CHN1: variants seen among roughly 807,000 people sequenced by gnomAD.
CHN1 encodes the protein N-chimaerin.
A neutral mutation model predicts 59.5 loss-of-function variants in CHN1; 37 were observed. The observed-to-expected ratio is 0.62, with a 90% CI of 0.48 to 0.82. The LOEUF is 0.82. CHN1 is among the 40% of genes least tolerant of loss of function. The pLI, the probability that CHN1 is intolerant of heterozygous loss-of-function variation, is 0.00. For missense variants in CHN1, 469 were observed against 571.0 expected, an observed-to-expected ratio of 0.82 and a Z score of 1.82; for synonymous variants, 206 against 200.4, an observed-to-expected ratio of 1.03 and a Z score of -0.24.
At chr2:174,895,917 C>T (rs1294281461) in intron 5 of CHN1, among the ~76,000 whole-genome samples, 1 of 152,050 alleles carries the variant, frequency 6.6e-6, no homozygotes, top group African/African-American at 2.4e-5. Context: ...TGATTAAAAT[C>T]AAGACATTGA....
chr2:174,846,141 T>G (rs1205780623), intron 7 of CHN1, among the ~76,000 whole-genome samples: 1 of 152,164 alleles, frequency 6.6e-6, no homozygotes, highest in Non-Finnish European at 1.5e-5. Context: ...CTCACGTTGT[T>G]TAATCTCTGA....
chr2:174,812,175 C>A (rs1685097746), intron 9 of CHN1, 134 bp downstream of exon 9: 3 of 605,536 alleles, frequency 5.0e-6, no homozygotes, highest in Non-Finnish European at 8.0e-6. Flanking sequence ...TCTTTGAGAT[C>A]ATTTGACATA....
Position 174,877,873 on chromosome 2 carries a change from ATCTC to A in CHN1, c.512_515del (p.Arg171IlefsTer13). On this transcript the variant is annotated frameshift_variant, in exon 6 of 13. Transcript: ENST00000409900. LOFTEE classifies it high-confidence loss of function. ...CTGACACCCCATCCTGGCCTGTAGA[ATCTC>A]TCTCATCATGTGTCTCTTTCAGGAC... The A allele has an allele frequency of 1.3e-6, 2 of 1,551,820 alleles. No individual in the cohort carries two copies. The highest frequency in any genetic ancestry group is 1.8e-6 in the Non-Finnish European group (2 of 1,125,766).
chr2:174,807,472 GTGTGT>G (rs1684930020), intron 11 of CHN1, among the ~76,000 whole-genome samples: 2 of 145,878 alleles, frequency 1.4e-5, no homozygotes, highest in Non-Finnish European at 3.0e-5. Context: ...GTGTGTGTGT[GTGTGT>G]GTGTGTGTGT....
At position 174,807,463 on chromosome 2, in the gene CHN1, T is replaced by TGTGTGTGG. The variant is rs1230763636; in HGVS notation, c.1102+1441_1102+1442insCCACACAC. Among the ~76,000 whole-genome samples the TGTGTGTGG allele has an allele frequency of 2.0e-3, 243 of 120,064 alleles. 1 individual carries two copies. Among genetic ancestry groups the TGTGTGTGG allele is most frequent in the South Asian group, 4.1e-3 (16 of 3,904 alleles). The allele number at this position is 120,064 out of a possible 152,430, so 78.8% of individuals were successfully genotyped here. A position where few individuals can be genotyped will look rare whatever the true frequency, so the allele number is the denominator to read the frequency against. On this transcript the variant is annotated intron_variant, in intron 11 of 12. Transcript: ENST00000409900. ...CGGGCTATCTGTGTGTGTGTGTGTGTGTGTGTGTGTGTGTGTGTGTGTGTG... is the reference window on the plus strand; with the variant it reads ...CGGGCTATCTGTGTGTGTGTGTGTGTGTGTGTGGGTGTGTGTGTGTGTGTGTGTGTGTG...
intron 3 of CHN1, among the ~76,000 whole-genome samples, chr2:174,940,671 G>GAT (rs1689631753): frequency 6.6e-6 from 1 of 152,100 alleles, no homozygotes; most frequent in Non-Finnish European, 1.5e-5. Context: ...TTATACAGGT[G>GAT]ATACCGTGTG....
chr2:174,820,174 G>T (rs889867244), intron 8 of CHN1, among the ~76,000 whole-genome samples: 21 of 152,052 alleles, frequency 1.4e-4, no homozygotes, highest in Non-Finnish European at 2.2e-4. Context: ...AATCCTTTGG[G>T]TATATACCCA....
chr2:174,839,839 A>G (rs1199867489), intron 7 of CHN1, among the ~76,000 whole-genome samples: 1 of 152,138 alleles, frequency 6.6e-6, no homozygotes, highest in Non-Finnish European at 1.5e-5. Context: ...CCTAGGCTCA[A>G]GTGATCTGCC....
At chr2:174,981,247 T>G (rs2105449682) in intron 1 of CHN1, among the ~76,000 whole-genome samples, 1 of 152,256 alleles carries the variant, frequency 6.6e-6, no homozygotes, top group East Asian at 1.9e-4. Context: ...GCAAAATGCT[T>G]GCCAATAAAC....
rs369718610 is a variant in CHN1, at chr2:174,799,448, A to C, written c.*668T>G. On this transcript the variant is annotated 3_prime_UTR_variant, in exon 13 of 13. Transcript: ENST00000409900. ...AATTAATAAACGCATGCCAGAAAAAATACCAAATTACAACTGAAAACCAAT... is the reference window on the plus strand; with the variant it reads ...AATTAATAAACGCATGCCAGAAAAACTACCAAATTACAACTGAAAACCAAT... 4 of 467,656 alleles carry C rather than the reference A, an allele frequency of 8.6e-6. No homozygotes were observed. The highest frequency in any genetic ancestry group is 1.6e-5 in the Non-Finnish European group (4 of 244,604). 29.0% of individuals were successfully genotyped at this position (467,656 alleles called of 1,614,324 possible). A position where few individuals can be genotyped will look rare whatever the true frequency, so the allele number is the denominator to read the frequency against.
intron 8 of CHN1, among the ~76,000 whole-genome samples, chr2:174,818,503 T>C (rs1403605874): frequency 6.6e-6 from 1 of 152,188 alleles, no homozygotes; most frequent in Admixed American, 6.6e-5. Flanking sequence ...ATATAACTCT[T>C]ATATAGTTCC....
intron 1 of CHN1, among the ~76,000 whole-genome samples, chr2:174,967,984 A>G (rs752318643): frequency 6.6e-6 from 1 of 152,162 alleles, no homozygotes; most frequent in Non-Finnish European, 1.5e-5. Flanking sequence ...TTATTCTGCA[A>G]TGCGGATTCA....
chr2:174,900,823 C>T (rs760587309), intron 5 of CHN1, among the ~76,000 whole-genome samples: 1 of 150,086 alleles, frequency 6.7e-6, no homozygotes, highest in Non-Finnish European at 1.5e-5. Context: ...AAAAAAGTAA[C>T]TATCAAATAT....
At chr2:174,948,513 T>C (rs1032412980) in intron 2 of CHN1, among the ~76,000 whole-genome samples, 9 of 152,246 alleles carry the variant, frequency 5.9e-5, no homozygotes, top group African/African-American at 2.2e-4. Context: ...TATTGGTTTA[T>C]ATTTGTAAGA....
At chr2:174,950,590 T>C (rs955224598) in intron 2 of CHN1, among the ~76,000 whole-genome samples, 3 of 151,998 alleles carry the variant, frequency 2.0e-5, no homozygotes, top group African/African-American at 7.2e-5. Context: ...ATGCGAGATA[T>C]GTGAAGCTAC....
At chr2:174,915,237 C>T in intron 4 of CHN1, 66 bp from the exon 5 acceptor site, 4 of 1,151,782 alleles carry the variant, frequency 3.5e-6, no homozygotes, top group Admixed American at 2.0e-5. Flanking sequence ...GATAAAACAA[C>T]GTCCCACCAC....
At chr2:174,915,260 T>G in intron 4 of CHN1, 89 bp from the exon 5 acceptor site, 3 of 986,540 alleles carry the variant, frequency 3.0e-6, no homozygotes, top group Non-Finnish European at 4.7e-6. Context: ...CCACCTTCTC[T>G]TGTTGTTTTC....
chr2:174,990,286 AGC>A (rs1691501598), intron 1 of CHN1, among the ~76,000 whole-genome samples: 1 of 101,078 alleles, frequency 9.9e-6, no homozygotes, highest in African/African-American at 3.8e-5. Flanking sequence ...AGAGAGAGAG[AGC>A]GCGAGCGCAA....
chr2:174,799,398 TTTA>T lies in CHN1; in HGVS notation c.*715_*717del, dbSNP rs1684641851. The T allele has an allele frequency of 1.4e-5, 6 of 435,944 alleles. No individual in the cohort carries two copies. The highest frequency in any genetic ancestry group is 2.6e-5 in the Non-Finnish European group (6 of 229,744). The allele number at this position is 435,944 out of a possible 1,614,324, so 27.0% of individuals were successfully genotyped here. ...AGAAAAAAGTAAGCTATCAATATTT[TTTA>T]TTTCTAAAAGCCAATTTAATAAATT... is the stretch of plus-strand genomic sequence containing the variant. On this transcript the variant is annotated 3_prime_UTR_variant, in exon 13 of 13. Transcript: ENST00000409900.
Sources: gnomAD v4.1 joint callset for allele counts (sites outside exome capture counted in the v4.1 genomes callset) on GRCh38, gnomAD v4.1.1 for gene constraint, MANE v1.5 for transcripts, NCBI Gene and HGNC (gene_info 2026-07-23, HGNC 2026-07-21) for gene names.